Variants in AHDC1 observed in about 807,000 individuals in gnomAD.
The protein encoded by AHDC1 is transcription factor Gibbin.
AHDC1 carries 7 observed loss-of-function variants against 87.9 expected under a neutral mutation model. That is an observed-to-expected ratio of 0.08 (90% confidence interval 0.05 to 0.15). The LOEUF is 0.15. AHDC1 is among the 10% of genes least tolerant of loss of function. AHDC1 has a pLI of 1.00. For missense variants in AHDC1, 1,841 were observed against 2,253.2 expected (o/e 0.82, Z 3.70); for synonymous variants, 1,051 against 1,006.8 (o/e 1.04, Z -0.83).
Position 27,550,922 on chromosome 1 carries a change from T to C in AHDC1, c.1194A>G (p.Lys398=), listed in dbSNP as rs762687937. Residue 398 remains lysine (K), a synonymous_variant, in exon 8 of 9, where the codon AAA becomes AAG. Transcript: ENST00000673934. ...CGTCTGCCTTGCGTCCCCGTCCGGC[T>C]TTCCGCCGGCGACACAGGATCTTTG... ...DRPKILCRRR[K]AGRGRKADAG... is the part of the protein sequence containing the mutation. The C allele has an allele frequency of 1.9e-6, 3 of 1,598,220 alleles. No homozygotes were observed. Among genetic ancestry groups the C allele is most frequent in the South Asian group, 2.2e-5 (2 of 90,332 alleles).
intron 5 of AHDC1, among the ~76,000 whole-genome samples, chr1:27,557,415 A>C (rs1319675876): frequency 1.7e-4 from 17 of 100,100 alleles, no homozygotes; most frequent in Admixed American, 4.4e-4. Flanking sequence ...TCCTTGTTCC[A>C]CGCCCCCCCG....
chr1:27,547,319 G>A lies in AHDC1; in HGVS notation c.4797C>T (p.Thr1599=), dbSNP rs149147457. The A allele has an allele frequency of 2.3e-4, 352 of 1,544,876 alleles. No homozygotes were observed. The highest frequency in any genetic ancestry group is 3.1e-4 in the South Asian group (25 of 79,914). The change falls in exon 8 of 9, where the codon ACC becomes ACT. Residue 1599 remains threonine (T), a synonymous_variant. Coordinates refer to ENST00000673934, the MANE Select transcript of AHDC1 (RefSeq NM_001371928.1). This position sits in a 1 kb window ranked among gnomAD's most constrained non-coding sequence, Gnocchi z 4.9. ...TCAGTTGGCACTACAGGGATGTGAC[G>A]GTGAATGTGTCCTCGGGGTGAGGTT... ...MAEPHPEDTF[T]VTSL is the part of the protein sequence containing the mutation.
rs192926377 is a variant in AHDC1 at position 27,561,887 on chromosome 1, G to C, written c.-628-3004C>G. Among the ~76,000 whole-genome samples the C allele has an allele frequency of 6.8e-4, 104 of 152,254 alleles. No homozygotes were observed. The highest frequency in any genetic ancestry group is 2.3e-3 in the African/African-American group (95 of 41,534). On this transcript the variant is annotated intron_variant, in intron 3 of 8. Transcript: ENST00000673934. This position sits in a 1 kb window ranked among gnomAD's most constrained non-coding sequence, Gnocchi z 4.2. ...GTGATGAGGGGCTCATGGAAGAAGG[G>C]AGATGGAGAGGAAGGTAGAGAGAGG...
At chr1:27,542,942 G>A (rs2018995925) in intron 8 of AHDC1, among the ~76,000 whole-genome samples, 1 of 152,222 alleles carries the variant, frequency 6.6e-6, no homozygotes, top group Non-Finnish European at 1.5e-5. Context: ...AAGAGTCAGG[G>A]CAGGACTGGC....
chr1:27,549,982 C>A lies in AHDC1; in HGVS notation c.2134G>T (p.Val712Phe). ...KKVVAVAAAGVGGPGLTELGH... is the reference protein window; with the variant it reads ...KKVVAVAAAGFGGPGLTELGH... ...AACTCAGTAAGGCCCGGGCCCCCGA[C>A]CCCAGCGGCTGCCACGGCCACCACC... Residue 712 changes from valine (V) to phenylalanine (F), a missense_variant, in exon 8 of 9, where the codon GTC becomes TTC. Around this residue, in one of 13 missense-constraint regions of AHDC1, gnomAD observed 236 missense variants for 257.9 expected, o/e 0.92. Coordinates refer to ENST00000673934, the MANE Select transcript of AHDC1 (RefSeq NM_001371928.1). 4.4e-6 allele frequency: 7 copies of A among 1,603,536 alleles called. No individual in the cohort carries two copies. Among genetic ancestry groups the A allele is most frequent in the Non-Finnish European group, 6.0e-6 (7 of 1,173,422 alleles).
Position 27,551,498 on chromosome 1 carries a change from G to A in AHDC1, c.618C>T (p.Asp206=). ...TATGGCCTTGGCCAGGCTGGGGACT[G>A]TCCCTAGGCTCAGGCTCAGGCTCGT... ...PLYEPEPEPR[D]SPQPGQGHSP... The change falls in exon 8 of 9, where the codon GAC becomes GAT. Residue 206 remains aspartate, a synonymous_variant. Coordinates refer to ENST00000673934, the MANE Select transcript of AHDC1 (RefSeq NM_001371928.1). 6.2e-7 allele frequency: 1 copy of A among 1,606,162 alleles called. No individual in the cohort carries two copies. Among genetic ancestry groups the A allele is most frequent in the Non-Finnish European group, 8.5e-7 (1 of 1,176,284 alleles).
chr1:27,557,777 A>G (rs150838061), intron 5 of AHDC1, among the ~76,000 whole-genome samples: 4 of 152,236 alleles, frequency 2.6e-5, no homozygotes, highest in East Asian at 3.9e-4. Flanking sequence ...CCTGCCCAGT[A>G]CACACCCAGA....
At position 27,550,927 on chromosome 1, in the gene AHDC1, G is replaced by A. The variant is rs751224446; in HGVS notation, c.1189C>T (p.Arg397Trp). Residue 397 changes from arginine to tryptophan, a missense_variant, in exon 8 of 9, where the codon CGG (arginine) becomes TGG (tryptophan). Arg to Trp is a moderately radical substitution (Grantham distance 101). Coordinates refer to ENST00000673934, the MANE Select transcript of AHDC1 (RefSeq NM_001371928.1). ...TDRPKILCRR[R>W]KAGRGRKADA... ...GCCTTGCGTCCCCGTCCGGCTTTCC[G>A]CCGGCGACACAGGATCTTTGGCCTA... 12 of 1,597,968 alleles carry A rather than the reference G, an allele frequency of 7.5e-6. No homozygotes were observed. Among genetic ancestry groups the A allele is most frequent in the African/African-American group, 1.3e-5 (1 of 74,810 alleles).
At chr1:27,568,536 C>A (rs955079303) in intron 3 of AHDC1, among the ~76,000 whole-genome samples, 10 of 152,314 alleles carry the variant, frequency 6.6e-5, no homozygotes, top group Admixed American at 2.0e-4. Flanking sequence ...TCCTCCACCT[C>A]CCGCCGACTC....
chr1:27,552,292 A>C, intron 7 of AHDC1, 103 bp from the exon 8 acceptor site: 101 of 1,142,232 alleles, frequency 8.8e-5, no homozygotes, highest in Non-Finnish European at 1.1e-4. Flanking sequence ...CTGAGGTCTC[A>C]TCTCCTTACC....
chr1:27,597,376 T>TGAGAGA (rs150236055), intron 3 of AHDC1, among the ~76,000 whole-genome samples: 1 of 149,738 alleles, frequency 6.7e-6, no homozygotes, highest in East Asian at 1.9e-4. Context: ...AGTGTGTGTG[T>TGAGAGA]GAGAGAGAGA....
At position 27,580,127 on chromosome 1, in the gene AHDC1, G is replaced by A. The variant is rs142867058; in HGVS notation, c.-628-21244C>T. Among the ~76,000 whole-genome samples the A allele has an allele frequency of 1.2e-3, 177 of 152,322 alleles. 1 individual carries two copies. The highest frequency in any genetic ancestry group is 7.5e-3 in the Admixed American group (115 of 15,310). ...GGGCCCTTCTTGATGGCCTTGGGAT[G>A]TGGGAGGGAGGGTAGATTCCAGAGA... On this transcript the variant is annotated intron_variant, in intron 3 of 8. Coordinates refer to ENST00000673934, the MANE Select transcript of AHDC1 (RefSeq NM_001371928.1).
chr1:27,543,149 A>G (rs2148228007), intron 8 of AHDC1, among the ~76,000 whole-genome samples: 1 of 152,340 alleles, frequency 6.6e-6, no homozygotes, highest in East Asian at 1.9e-4. Flanking sequence ...GTAACCTTGG[A>G]GGACCTGTGA....
rs759765769 is a variant in AHDC1, at chr1:27,549,041, G to C, written c.3075C>G (p.Thr1025=). The change falls in exon 8 of 9, where the codon ACC becomes ACG. Residue 1025 remains threonine, a synonymous_variant. Coordinates refer to ENST00000673934, the MANE Select transcript of AHDC1 (RefSeq NM_001371928.1). ...AHSAGYAPPP[T]GGPCLPPSKA... Reference sequence around the variant, plus strand: ...TGCTTGGTGGCAGGCAGGGGCCCCCGGTAGGCGGTGGGGCATAGCCGGCGC... The same window carrying C: ...TGCTTGGTGGCAGGCAGGGGCCCCCCGTAGGCGGTGGGGCATAGCCGGCGC... 5 of 1,575,318 alleles carry C rather than the reference G, an allele frequency of 3.2e-6. No individual in the cohort carries two copies.
intron 3 of AHDC1, among the ~76,000 whole-genome samples, chr1:27,589,084 C>A (rs1318221085): frequency 6.6e-6 from 1 of 151,894 alleles, no homozygotes; most frequent in Non-Finnish European, 1.5e-5. Flanking sequence ...ATGGCCTCGA[C>A]CACAGGCCTG....
chr1:27,537,388 G>T (rs12040728), intron 8 of AHDC1, among the ~76,000 whole-genome samples: 3 of 152,156 alleles, frequency 2.0e-5, no homozygotes, highest in Non-Finnish European at 4.4e-5. Context: ...GCTGTGCCAC[G>T]GAAGGTCCTG....
At position 27,590,793 on chromosome 1, in the gene AHDC1, T is replaced by C. The variant is rs1234401069; in HGVS notation, c.-629+12604A>G. On this transcript the variant is annotated intron_variant, in intron 3 of 8. Transcript: ENST00000673934. The surrounding 1 kb of genome is among the most constrained non-coding windows in gnomAD (Gnocchi z 5.4). ...GACTTGTCTTAATGCTGCCTAGCAA[T>C]AGTGGCTGCAGCTCTTTCTTTCTCG... is the stretch of plus-strand genomic sequence containing the variant. Among the ~76,000 whole-genome samples, 1 of 152,084 alleles carries C rather than the reference T, an allele frequency of 6.6e-6. No individual in the cohort carries two copies. Among genetic ancestry groups the C allele is most frequent in the East Asian group, 1.9e-4 (1 of 5,186 alleles).
chr1:27,579,951 C>T (rs1357560760), intron 3 of AHDC1, among the ~76,000 whole-genome samples: 3 of 152,170 alleles, frequency 2.0e-5, no homozygotes, highest in South Asian at 2.1e-4. Flanking sequence ...CAGTGCTGCC[C>T]GCCAGGATCT....
At chr1:27,540,720 A>AGCT (rs1368375225) in intron 8 of AHDC1, among the ~76,000 whole-genome samples, 1 of 152,010 alleles carries the variant, frequency 6.6e-6, no homozygotes, top group Non-Finnish European at 1.5e-5. Context: ...GCCCTCCCAG[A>AGCT]GCTCCCTCCT....
Sources: gnomAD v4.1 joint callset for allele counts (sites outside exome capture counted in the v4.1 genomes callset) on GRCh38, gnomAD v4.1.1 for gene constraint, gnomAD v4.1.1 regional missense constraint, Gnocchi (gnomAD v3.1) non-coding constraint, MANE v1.5 for transcripts, NCBI Gene and HGNC (gene_info 2026-07-23, HGNC 2026-07-21) for gene names.